The following DISC1 variants were observed in gnomAD, a reference collection of about 807,000 sequenced individuals.
DISC1 encodes DISC1 scaffold protein, also known as disrupted in schizophrenia 1 protein.
Under a neutral mutation model 84.5 loss-of-function variants are expected in DISC1, and 57 were observed. The observed-to-expected ratio is 0.67, with a 90% CI of 0.55 to 0.84. The LOEUF is 0.84. DISC1 is among the 40% of genes least tolerant of loss of function. The probability of loss-of-function intolerance (pLI) is 0.00; values close to 1 mark genes in which losing one functional copy is unlikely to be tolerated. For missense variants in DISC1, 1,000 were observed against 1,057.8 expected (o/e 0.95, Z 0.76); for synonymous variants, 411 against 415.2 (o/e 0.99, Z 0.12).
chr1:231,702,677 C>G, intron 3 of DISC1: 1 of 898,448 alleles, frequency 1.1e-6, no homozygotes, highest in Non-Finnish European at 1.3e-6. Flanking sequence ...TAAAATGAGG[C>G]ACCAAAATAG....
chr1:231,884,903 G>A (rs571361848), intron 9 of DISC1, among the ~76,000 whole-genome samples: 60 of 152,142 alleles, frequency 3.9e-4, no homozygotes, highest in African/African-American at 1.4e-3. Context: ...TGCATTTAGT[G>A]CTGGAATATA....
intron 1 of DISC1, among the ~76,000 whole-genome samples, chr1:231,688,679 A>G (rs1435542544): frequency 6.6e-6 from 1 of 152,178 alleles, no homozygotes; most frequent in East Asian, 1.9e-4. Flanking sequence ...GAAAGAGTAC[A>G]TTCAATTCCT....
intron 3 of DISC1, among the ~76,000 whole-genome samples, chr1:231,726,822 C>A (rs1319179171): frequency 1.3e-5 from 2 of 152,148 alleles, no homozygotes; most frequent in Non-Finnish European, 2.9e-5. Flanking sequence ...GGATGGACTG[C>A]ATCATCTTTC....
chr1:231,722,391 T>C, intron 3 of DISC1: 1 of 1,300,584 alleles, frequency 7.7e-7, no homozygotes, highest in Non-Finnish European at 1.1e-6. Context: ...CTGCCTGGAC[T>C]GCTCTATGAA....
intron 3 of DISC1, among the ~76,000 whole-genome samples, chr1:231,713,661 T>C (rs2068165587): frequency 6.8e-6 from 1 of 146,984 alleles, no homozygotes; most frequent in Non-Finnish European, 1.5e-5. Flanking sequence ...TGAAGGGACC[T>C]CTAGGACATC....
At chr1:231,783,938 G>A (rs999418079) in intron 6 of DISC1, among the ~76,000 whole-genome samples, 2 of 152,028 alleles carry the variant, frequency 1.3e-5, no homozygotes, top group East Asian at 3.9e-4. Context: ...TTACATGGGT[G>A]CATCTTATTA....
At chr1:231,850,050 CTTAA>C (rs1370358335) in intron 9 of DISC1, among the ~76,000 whole-genome samples, 1 of 152,130 alleles carries the variant, frequency 6.6e-6, no homozygotes, top group East Asian at 1.9e-4. Context: ...ATTTCTCTAT[CTTAA>C]TTAATCTTGA....
intron 10 of DISC1, among the ~76,000 whole-genome samples, chr1:231,979,631 A>G (rs1197737290): frequency 6.6e-6 from 1 of 151,136 alleles, no homozygotes; most frequent in Non-Finnish European, 1.5e-5. Context: ...ATGTATGTAC[A>G]TATTTCTCTC....
chr1:231,770,743 G>A (rs1263963841), intron 5 of DISC1, 92 bp from the exon 6 acceptor site: 1 of 1,551,650 alleles, frequency 6.4e-7, no homozygotes, highest in Non-Finnish European at 8.7e-7. Context: ...TGGTGCATAT[G>A]GCCAATTCTC....
intron 4 of DISC1, among the ~76,000 whole-genome samples, chr1:231,761,287 T>C (rs1322205261): frequency 1.3e-5 from 2 of 152,214 alleles, no homozygotes; most frequent in Non-Finnish European, 2.9e-5. Flanking sequence ...CTGATTAGTT[T>C]ATAGCAGCGA....
chr1:231,769,403 T>C (rs2076392184), intron 5 of DISC1, among the ~76,000 whole-genome samples: 1 of 152,114 alleles, frequency 6.6e-6, no homozygotes, highest in African/African-American at 2.4e-5. Context: ...ATAAACAAAA[T>C]GAGTATGTAC....
chr1:231,799,843 C>T (rs1380367955), intron 7 of DISC1, among the ~76,000 whole-genome samples: 1 of 38,568 alleles, frequency 2.6e-5, no homozygotes, highest in Non-Finnish European at 4.9e-5. Context: ...TTTCCCTTCT[C>T]TTTCCTTCCC....
At chr1:231,985,432 TACTGGC>T (rs1241975058) in intron 10 of DISC1, among the ~76,000 whole-genome samples, 2 of 152,136 alleles carry the variant, frequency 1.3e-5, no homozygotes, top group Admixed American at 6.5e-5. Flanking sequence ...TTTTCACCAT[TACTGGC>T]ACATGCTCAG....
At chr1:231,751,487 A>C (rs1050119088) in intron 4 of DISC1, among the ~76,000 whole-genome samples, 2 of 152,232 alleles carry the variant, frequency 1.3e-5, no homozygotes, top group Non-Finnish European at 2.9e-5. Context: ...ATGGTGATTA[A>C]GTGATTAAGC....
At chr1:231,829,292 TAAC>T (rs1452205818) in intron 9 of DISC1, among the ~76,000 whole-genome samples, 1 of 152,254 alleles carries the variant, frequency 6.6e-6, no homozygotes, top group Non-Finnish European at 1.5e-5. Flanking sequence ...ATTAGTATAA[TAAC>T]AGAGTGGTAT....
chr1:231,651,397 G>T (rs2060611125), intron 1 of DISC1, among the ~76,000 whole-genome samples: 1 of 152,212 alleles, frequency 6.6e-6, no homozygotes, highest in Admixed American at 6.5e-5. Flanking sequence ...ACCAGTGGAG[G>T]CTGCAGAACA....
At chr1:231,762,892 T>TC (rs1216359571) in intron 4 of DISC1, among the ~76,000 whole-genome samples, 3 of 152,162 alleles carry the variant, frequency 2.0e-5, no homozygotes, top group Admixed American at 6.5e-5. Context: ...TTTGTTATCA[T>TC]CATCACTGTC....
chr1:231,928,095 C>T (rs2090450258), intron 9 of DISC1, among the ~76,000 whole-genome samples: 2 of 152,192 alleles, frequency 1.3e-5, no homozygotes, highest in African/African-American at 4.8e-5. Context: ...TCCCTAACAT[C>T]CCATTCTGGT....
chr1:231,851,345 A>G (rs569137160), intron 9 of DISC1, among the ~76,000 whole-genome samples: 3 of 152,162 alleles, frequency 2.0e-5, no homozygotes, highest in Non-Finnish European at 4.4e-5. Context: ...GTCCTTGAGG[A>G]ACCTGAATGT....
Sources: allele counts gnomAD v4.1 joint callset (sites outside exome capture counted in the v4.1 genomes callset), GRCh38; gene constraint gnomAD v4.1.1; transcripts MANE v1.5; gene names NCBI Gene and HGNC (gene_info 2026-07-23, HGNC 2026-07-21).